AKAP6: variants seen among roughly 807,000 people sequenced by gnomAD.
AKAP6 encodes the protein A-kinase anchoring protein 6.
A neutral mutation model predicts 188.5 loss-of-function variants in AKAP6; 58 were observed. The observed-to-expected ratio is 0.31, with a 90% CI of 0.25 to 0.38. The LOEUF (loss-of-function observed/expected upper bound fraction) is 0.38, where lower values mean the gene tolerates loss of function less well. Ranked by LOEUF, AKAP6 falls within the 10% of genes least tolerant of loss-of-function variation. AKAP6 has a pLI of 1.00. For missense variants in AKAP6, 2,710 were observed against 2,740.0 expected (o/e 0.99, Z 0.24); for synonymous variants, 989 against 998.6 (o/e 0.99, Z 0.18).
At chr14:32,436,444 A>G (rs1407267817) in intron 2 of AKAP6, among the ~76,000 whole-genome samples, 1 of 152,094 alleles carries the variant, frequency 6.6e-6, no homozygotes. Flanking sequence ...CTCCACATAC[A>G]TGTCTATCAA....
At chr14:32,576,588 G>A (rs1884729338) in intron 4 of AKAP6, among the ~76,000 whole-genome samples, 1 of 152,104 alleles carries the variant, frequency 6.6e-6, no homozygotes, top group Non-Finnish European at 1.5e-5. Context: ...AGACATTTGG[G>A]CTGTGGACAG....
chr14:32,336,682 A>G (rs1036488962), intron 1 of AKAP6, among the ~76,000 whole-genome samples: 6 of 152,008 alleles, frequency 3.9e-5, no homozygotes, highest in African/African-American at 1.2e-4. Context: ...TTCTCATCCA[A>G]TTTCTTGATT....
At chr14:32,574,033 A>G (rs1020205294) in intron 4 of AKAP6, among the ~76,000 whole-genome samples, 1 of 152,164 alleles carries the variant, frequency 6.6e-6, no homozygotes, top group African/African-American at 2.4e-5. Context: ...CATGAATTGA[A>G]TGGACCCCAA....
chr14:32,553,009 A>T (rs192748430), intron 4 of AKAP6, among the ~76,000 whole-genome samples: 2,006 of 152,322 alleles, frequency 0.013, 50 homozygotes, highest in African/African-American at 0.046. Context: ...GGCAGGAGGC[A>T]CATAGAAGCC....
chr14:32,543,220 T>C (rs1409586721), intron 3 of AKAP6, among the ~76,000 whole-genome samples: 1 of 152,218 alleles, frequency 6.6e-6, no homozygotes, highest in Non-Finnish European at 1.5e-5. Context: ...TCCCAACCTC[T>C]AGTAACTACT....
At chr14:32,827,514 T>G (rs773828380) in intron 13 of AKAP6, among the ~76,000 whole-genome samples, 45 of 152,198 alleles carry the variant, frequency 3.0e-4, no homozygotes, top group Non-Finnish European at 4.6e-4. Flanking sequence ...AAAAACCCAC[T>G]GAAACTGCTT....
chr14:32,561,370 G>A lies in AKAP6; in HGVS notation c.2346+14371G>A, dbSNP rs142614097. 6.8e-4 allele frequency among the ~76,000 whole-genome samples: 104 copies of A among 152,076 alleles called. 1 individual carries two copies. In the East Asian group the frequency reaches 0.014, roughly 21 times the overall value. On this transcript the variant is annotated intron_variant, in intron 4 of 13. Coordinates refer to ENST00000280979, the MANE Select transcript of AKAP6 (RefSeq NM_004274.5). ...ATCGTGACCTTGGAAATGTAACCTC[G>A]CAAGCCTCAGTTTTAAAAAATAAAT... is the stretch of plus-strand genomic sequence containing the variant.
At position 32,553,768 on chromosome 14, in the gene AKAP6, C is replaced by T. The variant is rs146562683; in HGVS notation, c.2346+6769C>T. Among the ~76,000 whole-genome samples the T allele has an allele frequency of 1.6e-3, 248 of 152,278 alleles. 2 individuals are homozygous for T. The highest frequency in any genetic ancestry group is 5.4e-3 in the African/African-American group (224 of 41,560). ...AAAAACTCCTAGTAAACTCTGAGTTCCCAAGGGATGGTCTGTTCCCAATCT... is the reference window on the plus strand; with the variant it reads ...AAAAACTCCTAGTAAACTCTGAGTTTCCAAGGGATGGTCTGTTCCCAATCT... On this transcript the variant is annotated intron_variant, in intron 4 of 13. Coordinates refer to ENST00000280979, the MANE Select transcript of AKAP6 (RefSeq NM_004274.5).
intron 1 of AKAP6, among the ~76,000 whole-genome samples, chr14:32,334,986 T>C (rs1472069724): frequency 1.3e-5 from 2 of 152,178 alleles, no homozygotes; most frequent in Non-Finnish European, 2.9e-5. Context: ...GGTTTTACTC[T>C]GTTGTTCAGG....
chr14:32,570,837 C>T (rs1884446321), intron 4 of AKAP6, among the ~76,000 whole-genome samples: 1 of 152,188 alleles, frequency 6.6e-6, no homozygotes, highest in Non-Finnish European at 1.5e-5. Flanking sequence ...CATGTCCCCC[C>T]AAATTAATCC....
chr14:32,558,739 G>A, intron 4 of AKAP6, among the ~76,000 whole-genome samples: 1 of 152,260 alleles, frequency 6.6e-6, no homozygotes, highest in East Asian at 1.9e-4. Context: ...CTGAGGTCCA[G>A]GTTGCTTCTC....
chr14:32,492,200 T>C (rs1880051576), intron 2 of AKAP6, among the ~76,000 whole-genome samples: 1 of 151,950 alleles, frequency 6.6e-6, no homozygotes, highest in Non-Finnish European at 1.5e-5. Context: ...TCTCTCTTAC[T>C]TGGCCTTTAG....
At chr14:32,376,146 AAGTCCTAC>A (rs1243383052) in intron 1 of AKAP6, 2 of 152,218 alleles carry the variant, frequency 1.3e-5, no homozygotes, top group Non-Finnish European at 2.9e-5. Context: ...AGGTATTGGG[AAGTCCTAC>A]AGTAAAGAAC....
intron 12 of AKAP6, among the ~76,000 whole-genome samples, chr14:32,799,355 A>G (rs984197931): frequency 4.0e-5 from 6 of 151,890 alleles, no homozygotes; most frequent in African/African-American, 1.5e-4. Flanking sequence ...TGCTTCATTT[A>G]GGCTTAAATT....
chr14:32,458,400 C>T (rs1891215631), intron 2 of AKAP6, among the ~76,000 whole-genome samples: 1 of 151,958 alleles, frequency 6.6e-6, no homozygotes, highest in Non-Finnish European at 1.5e-5. Context: ...AATGATGTTA[C>T]CTAATTTTTG....
At chr14:32,417,811 A>G (rs1889712121) in intron 1 of AKAP6, 1 of 152,142 alleles carries the variant, frequency 6.6e-6, no homozygotes, top group Non-Finnish European at 1.5e-5. Flanking sequence ...CTCTTACCTT[A>G]TAGACTCCAG....
chr14:32,529,963 CTTTTTTTTTTT>C (rs11305618), intron 2 of AKAP6, among the ~76,000 whole-genome samples: 3 of 62,008 alleles, frequency 4.8e-5, no homozygotes, highest in Admixed American at 4.5e-4. Flanking sequence ...GGTAAAGAAA[CTTTTTTTTTTT>C]TTTTTTTTTT....
intron 1 of AKAP6, among the ~76,000 whole-genome samples, chr14:32,395,065 G>T (rs920240495): frequency 6.9e-6 from 1 of 145,864 alleles, no homozygotes; most frequent in South Asian, 2.3e-4. Context: ...TCCCAAAGCT[G>T]CCCTCCTAGC....
intron 2 of AKAP6, among the ~76,000 whole-genome samples, chr14:32,531,834 A>G (rs550240156): frequency 3.9e-5 from 6 of 152,336 alleles, no homozygotes; most frequent in African/African-American, 1.4e-4. Flanking sequence ...CTTTTTAAAA[A>G]ACTGCTGCAT....
Sources: allele counts gnomAD v4.1 joint callset (sites outside exome capture counted in the v4.1 genomes callset), GRCh38; gene constraint gnomAD v4.1.1; transcripts MANE v1.5; gene names NCBI Gene and HGNC (gene_info 2026-07-23, HGNC 2026-07-21).